The following C2orf49 variants were observed in gnomAD, a reference collection of about 807,000 sequenced individuals.
The protein encoded by C2orf49 is tRNA-splicing ligase complex subunit ASW.
In C2orf49, 11 loss-of-function variants were observed where a neutral mutation model predicts 20.6. The observed-to-expected ratio is 0.53, with a 90% confidence interval of 0.34 to 0.88. The LOEUF is 0.88. C2orf49 is among the 40% of genes least tolerant of loss of function. The pLI is 0.02. For synonymous variants in C2orf49, 134 were observed against 108.5 expected, an observed-to-expected ratio of 1.24 and a Z score of -1.46; for missense variants, 289 against 274.2, an observed-to-expected ratio of 1.05 and a Z score of -0.38.
intron 2 of C2orf49, among the ~76,000 whole-genome samples, chr2:105,340,906 G>A (rs960227663): frequency 2.0e-5 from 3 of 152,154 alleles, no homozygotes; most frequent in Non-Finnish European, 4.4e-5. Context: ...GGGGTAAAGG[G>A]GAGTATGTTC....
chr2:105,376,412 G>T, the C2orf49 span: 3 of 152,170 alleles, frequency 2.0e-5, no homozygotes, highest in Non-Finnish European at 4.4e-5. Flanking sequence ...AACATATTTT[G>T]TACCTAAATG....
At chr2:105,361,243 T>G in the C2orf49 span, 1 of 1,583,988 alleles carries the variant, frequency 6.3e-7, no homozygotes, top group South Asian at 1.1e-5. Context: ...CATAAAAATC[T>G]GTGTGTGAGA....
chr2:105,366,735 A>C, the C2orf49 span, among the ~76,000 whole-genome samples: 1 of 152,022 alleles, frequency 6.6e-6, no homozygotes, highest in African/African-American at 2.4e-5. Context: ...CGAGTAGATA[A>C]GTTTATTTAT....
In C2orf49 at chr2:105,347,709, TG is replaced by T. The variant is rs1679847856; in HGVS notation, c.*2339del. The T allele has an allele frequency of 6.6e-6, 1 of 152,230 alleles. No homozygotes were observed. The allele number at this position is 152,230 out of a possible 1,614,324, so 9.4% of individuals were successfully genotyped here. A position where few individuals can be genotyped will look rare whatever the true frequency, so the allele number is the denominator to read the frequency against. On this transcript the variant is annotated 3_prime_UTR_variant, in exon 4 of 4. Transcript: ENST00000258457. The stretch of plus-strand genomic sequence containing the variant: ...TCTTGAAATGTCTTTCTCCACATAA[TG>T]AAGCATGCTGAATGCTGGGAATCTG...
At chr2:105,383,530 G>A in the C2orf49 span, among the ~76,000 whole-genome samples, 2 of 152,242 alleles carry the variant, frequency 1.3e-5, no homozygotes, top group East Asian at 3.9e-4. Context: ...AGTAGGTCAG[G>A]ACTCTCAAAA....
chr2:105,384,117 G>C, the C2orf49 span, among the ~76,000 whole-genome samples: 1 of 152,176 alleles, frequency 6.6e-6, no homozygotes. Context: ...TCAGCCACTG[G>C]TCAGGGATGA....
At chr2:105,344,188 TAGTA>T (rs1409977408) in intron 3 of C2orf49, among the ~76,000 whole-genome samples, 3 of 152,176 alleles carry the variant, frequency 2.0e-5, no homozygotes, top group Non-Finnish European at 4.4e-5. Context: ...CCAGAGTTAT[TAGTA>T]AGCCACCAGG....
At position 105,337,554 on chromosome 2, in the gene C2orf49, G is replaced by T; in HGVS notation, c.-34G>T. On this transcript the variant is annotated 5_prime_UTR_variant, in exon 1 of 4. Transcript: ENST00000258457. ...CGCAACGCTTCCTTCGCGGGGCTTTGTGGGTAGCCGACTGGGGTCTCCTGG... is the reference window on the plus strand; with the variant it reads ...CGCAACGCTTCCTTCGCGGGGCTTTTTGGGTAGCCGACTGGGGTCTCCTGG... 6.2e-7 allele frequency: 1 copy of T among 1,612,960 alleles called. No homozygotes were observed. Among genetic ancestry groups the T allele is most frequent in the East Asian group, 2.2e-5 (1 of 44,874 alleles).
chr2:105,367,463 A>C, the C2orf49 span: 1 of 1,174,596 alleles, frequency 8.5e-7, no homozygotes, highest in African/African-American at 1.5e-5. Context: ...CTCCCACGCC[A>C]CTTAAGTATC....
chr2:105,354,224 C>T, the C2orf49 span, among the ~76,000 whole-genome samples: 317 of 152,312 alleles, frequency 2.1e-3, 2 homozygotes, highest in African/African-American at 6.9e-3. Flanking sequence ...GCACATTGCA[C>T]CACAGCAGAT....
chr2:105,342,970 C>G lies in C2orf49; in HGVS notation c.389C>G (p.Pro130Arg), dbSNP rs200846795. 1 of 1,614,090 alleles carries G rather than the reference C, an allele frequency of 6.2e-7. No homozygotes were observed. The highest frequency in any genetic ancestry group is 1.1e-5 in the South Asian group (1 of 91,088). The part of the protein sequence containing the change: ...NGDNDRLKPP[P>R]QASFTSNAFR... ...GATAATGATCGACTGAAGCCTCCCC[C>G]GCAGGCAAGCTTTACCAGTAATGCC... Residue 130 changes from proline (P) to arginine (R), a missense_variant, in exon 3 of 4, where the codon CCG (proline) becomes CGG (arginine). Coordinates refer to ENST00000258457, the MANE Select transcript of C2orf49 (RefSeq NM_024093.3).
At chr2:105,353,310 A>G (rs1289891864), downstream of C2orf49, among the ~76,000 whole-genome samples, 1 of 152,208 alleles carries the variant, frequency 6.6e-6, no homozygotes, top group Non-Finnish European at 1.5e-5. Context: ...CATTCAAACC[A>G]TAGCACCCTC....
chr2:105,364,376 G>A, the C2orf49 span, among the ~76,000 whole-genome samples: 1 of 152,190 alleles, frequency 6.6e-6, no homozygotes, highest in Non-Finnish European at 1.5e-5. Context: ...AAGGACAGCC[G>A]GGACTAGCAC....
downstream of C2orf49, among the ~76,000 whole-genome samples, chr2:105,351,220 T>C (rs1326964861): frequency 6.6e-6 from 1 of 151,816 alleles, no homozygotes; most frequent in Non-Finnish European, 1.5e-5. Context: ...CTTTTGAGGT[T>C]AACCTTAACC....
the C2orf49 span, among the ~76,000 whole-genome samples, chr2:105,354,603 T>C: frequency 1.4e-4 from 22 of 151,932 alleles, no homozygotes; most frequent in African/African-American, 5.3e-4. Flanking sequence ...GAGGCAGAGG[T>C]TGCAGTGAGC....
chr2:105,342,881 C>T lies in C2orf49; in HGVS notation c.300C>T (p.Pro100=), dbSNP rs1203657971. 21 of 1,613,870 alleles carry T rather than the reference C, an allele frequency of 1.3e-5. No individual in the cohort carries two copies. The highest frequency in any genetic ancestry group is 1.7e-5 in the Non-Finnish European group (20 of 1,179,954). ...SSTVDGLRKR[P]LIVFDGSSTS... is the part of the protein sequence containing the mutation. ...CTGTAGATGGGTTAAGGAAAAGACC[C>T]CTCATCGTATTTGATGGAAGTTCAA... The change falls in exon 3 of 4, where the codon CCC becomes CCT. Residue 100 remains proline, a synonymous_variant. Transcript: ENST00000258457.
At chr2:105,355,317 A>G in the C2orf49 span, among the ~76,000 whole-genome samples, 8 of 152,210 alleles carry the variant, frequency 5.3e-5, no homozygotes, top group Non-Finnish European at 1.2e-4. Flanking sequence ...GGAAGGTGAA[A>G]GTAACTCTGG....
intron 3 of C2orf49, among the ~76,000 whole-genome samples, chr2:105,344,997 TGAG>T (rs750401533): frequency 6.6e-6 from 1 of 152,138 alleles, no homozygotes; most frequent in Non-Finnish European, 1.5e-5. Flanking sequence ...TAACATCACT[TGAG>T]GAGCTTCCAA....
chr2:105,385,316 T>C, the C2orf49 span, among the ~76,000 whole-genome samples: 1 of 152,198 alleles, frequency 6.6e-6, no homozygotes, highest in Non-Finnish European at 1.5e-5. Flanking sequence ...TTCCTAAGAA[T>C]GATGTGATCA....
Sources: allele counts gnomAD v4.1 joint callset (sites outside exome capture counted in the v4.1 genomes callset), GRCh38; gene constraint gnomAD v4.1.1; transcripts MANE v1.5; gene names NCBI Gene and HGNC (gene_info 2026-07-23, HGNC 2026-07-21).